SH3GL2: variants seen among roughly 807,000 people sequenced by gnomAD.
SH3GL2 encodes SH3 domain containing GRB2 like 2, endophilin A1, also known as endophilin-A1.
In SH3GL2, 24 loss-of-function variants were observed where a neutral mutation model predicts 46.0. The observed-to-expected ratio is 0.52, with a 90% CI of 0.38 to 0.73. The LOEUF (loss-of-function observed/expected upper bound fraction) is 0.73. Ranked by LOEUF, SH3GL2 falls within the 30% of genes least tolerant of loss-of-function variation. The probability of loss-of-function intolerance (pLI) is 0.00; values close to 1 mark genes in which losing one functional copy is unlikely to be tolerated. For synonymous variants in SH3GL2, 196 were observed against 147.1 expected (o/e 1.33, Z -2.40); for missense variants, 413 against 424.2 (o/e 0.97, Z 0.23).
intron 1 of SH3GL2, among the ~76,000 whole-genome samples, chr9:17,675,561 T>G (rs1286504186): frequency 1.3e-5 from 2 of 152,350 alleles, no homozygotes; most frequent in South Asian, 4.1e-4. Context: ...GTCTTTGCTC[T>G]GCAAGGGAGG....
intron 1 of SH3GL2, among the ~76,000 whole-genome samples, chr9:17,706,866 A>G (rs1821485870): frequency 6.6e-6 from 1 of 152,034 alleles, no homozygotes; most frequent in Non-Finnish European, 1.5e-5. Context: ...AGAGGCTAGA[A>G]AAAGTTGCTG....
At chr9:17,710,512 C>G (rs1334846691) in intron 1 of SH3GL2, among the ~76,000 whole-genome samples, 1 of 151,832 alleles carries the variant, frequency 6.6e-6, no homozygotes, top group Non-Finnish European at 1.5e-5. Flanking sequence ...CAAATTAAAA[C>G]AATGAATTAC....
intron 3 of SH3GL2, among the ~76,000 whole-genome samples, chr9:17,764,236 G>A (rs921561021): frequency 1.3e-5 from 2 of 152,126 alleles, no homozygotes; most frequent in African/African-American, 4.8e-5. Context: ...AGAACAAAAC[G>A]AAAATTTTGT....
intron 1 of SH3GL2, among the ~76,000 whole-genome samples, chr9:17,712,216 C>T (rs971922343): frequency 2.6e-5 from 4 of 151,684 alleles, no homozygotes; most frequent in Non-Finnish European, 2.9e-5. Flanking sequence ...GATACAAATT[C>T]TTTATCATAG....
intron 1 of SH3GL2, among the ~76,000 whole-genome samples, chr9:17,642,270 G>C (rs771040256): frequency 1.3e-5 from 2 of 152,156 alleles, no homozygotes; most frequent in African/African-American, 2.4e-5. Context: ...CCCTTTGTCA[G>C]ATGGATAGAT....
chr9:17,791,256 C>T lies in SH3GL2; in HGVS notation c.650C>T (p.Ala217Val), dbSNP rs1159845276. The change falls in exon 7 of 9, where the codon GCA becomes GTA. Residue 217 changes from alanine (A) to valine (V), a missense_variant. Physicochemically the swap from Ala to Val is moderately conservative, Grantham distance 64. Coordinates refer to ENST00000380607, the MANE Select transcript of SH3GL2 (RefSeq NM_003026.5). ...ATTGAACAAGTGAGCCAGCTCTCTGCACTTGTGCAAGCTCAGCTGGAGTAC... is the reference window on the plus strand; with the variant it reads ...ATTGAACAAGTGAGCCAGCTCTCTGTACTTGTGCAAGCTCAGCTGGAGTAC... ...MDIEQVSQLS[A>V]LVQAQLEYHK... 6 of 1,613,480 alleles carry T rather than the reference C, an allele frequency of 3.7e-6. No individual in the cohort carries two copies. The highest frequency in any genetic ancestry group is 3.3e-5 in the Admixed American group (2 of 60,006).
intron 1 of SH3GL2, among the ~76,000 whole-genome samples, chr9:17,738,641 T>TATATATATATATATAGAG (rs376280314): frequency 1.5e-4 from 13 of 88,880 alleles, no homozygotes; most frequent in East Asian, 8.1e-4. Flanking sequence ...TATATATATA[T>TATATATATATATATAGAG]AGAGAGAGAG....
chr9:17,670,127 A>G (rs145790371), intron 1 of SH3GL2, among the ~76,000 whole-genome samples: 39 of 152,148 alleles, frequency 2.6e-4, no homozygotes, highest in African/African-American at 8.4e-4. Context: ...GAGCTACTCC[A>G]TGTTGCTTAT....
At chr9:17,784,815 C>T (rs1206834140) in intron 3 of SH3GL2, among the ~76,000 whole-genome samples, 1 of 152,168 alleles carries the variant, frequency 6.6e-6, no homozygotes, top group Non-Finnish European at 1.5e-5. Flanking sequence ...TGGCCTTGAG[C>T]AATCTTTCCA....
chr9:17,788,852 C>G (rs1011205979), intron 5 of SH3GL2, among the ~76,000 whole-genome samples: 5 of 152,142 alleles, frequency 3.3e-5, no homozygotes, highest in Admixed American at 6.5e-5. Context: ...TAGGCCCCCA[C>G]CCTAGATATC....
chr9:17,789,438 A>G lies in SH3GL2; in HGVS notation c.512A>G (p.Lys171Arg). The G allele has an allele frequency of 6.2e-7, 1 of 1,613,582 alleles. No individual in the cohort carries two copies. Among genetic ancestry groups the G allele is most frequent in the African/African-American group, 1.3e-5 (1 of 74,998 alleles). ...GGTCGACGCCTGGATTTTGATTATA[A>G]GAAGAAACGACAAGGCAAGATTCCG... The part of the protein sequence containing the change: ...LEGRRLDFDY[K>R]KKRQGKIPDE... Residue 171 changes from lysine (K) to arginine (R), a missense_variant, in exon 6 of 9, where the codon AAG (lysine) becomes AGG (arginine). Coordinates refer to ENST00000380607, the MANE Select transcript of SH3GL2 (RefSeq NM_003026.5).
intron 1 of SH3GL2, among the ~76,000 whole-genome samples, chr9:17,615,100 C>T (rs1230459058): frequency 6.6e-6 from 1 of 152,128 alleles, no homozygotes; most frequent in Non-Finnish European, 1.5e-5. Context: ...GCTGCCTACT[C>T]CCAGGTGTTA....
chr9:17,654,856 C>G (rs192974112), intron 1 of SH3GL2, among the ~76,000 whole-genome samples: 58 of 152,190 alleles, frequency 3.8e-4, no homozygotes, highest in African/African-American at 1.3e-3. Flanking sequence ...TAAAAATAAC[C>G]AACATCTGGT....
At position 17,591,832 on chromosome 9, in the gene SH3GL2, A is replaced by T. The variant is rs4961575; in HGVS notation, c.45+12545A>T. 5.6e-3 allele frequency among the ~76,000 whole-genome samples: 856 copies of T among 152,094 alleles called. 6 individuals carry two copies. The highest frequency in any genetic ancestry group is 0.02 in the African/African-American group (828 of 41,462). On this transcript the variant is annotated intron_variant, in intron 1 of 8. Coordinates refer to ENST00000380607, the MANE Select transcript of SH3GL2 (RefSeq NM_003026.5). ...GTGAATGATTCAGGTGAACGTAGGC[A>T]TTTTCTGTAGGCGCTTTCCACATGA...
intron 1 of SH3GL2, among the ~76,000 whole-genome samples, chr9:17,691,964 T>C (rs1821089904): frequency 6.6e-6 from 1 of 152,128 alleles, no homozygotes; most frequent in African/African-American, 2.4e-5. Context: ...AATTTGACAA[T>C]ATCTATAAAA....
At chr9:17,714,649 T>G (rs1821707921) in intron 1 of SH3GL2, among the ~76,000 whole-genome samples, 1 of 151,800 alleles carries the variant, frequency 6.6e-6, no homozygotes, top group Non-Finnish European at 1.5e-5. Flanking sequence ...GTATACTTCA[T>G]TTCTGTCTCT....
chr9:17,691,232 C>CT (rs1289127589), intron 1 of SH3GL2, among the ~76,000 whole-genome samples: 4 of 152,198 alleles, frequency 2.6e-5, no homozygotes, highest in Admixed American at 1.3e-4. Flanking sequence ...TGCTTTATAG[C>CT]TTTTTCCAGT....
At chr9:17,711,461 A>C (rs968740913) in intron 1 of SH3GL2, among the ~76,000 whole-genome samples, 4 of 151,850 alleles carry the variant, frequency 2.6e-5, no homozygotes, top group African/African-American at 7.2e-5. Flanking sequence ...TGCTTTCTCA[A>C]ATCCCTTGGT....
chr9:17,782,017 C>T (rs1823823001), intron 3 of SH3GL2, among the ~76,000 whole-genome samples: 1 of 152,144 alleles, frequency 6.6e-6, no homozygotes, highest in Non-Finnish European at 1.5e-5. Context: ...CTTTCAGAGT[C>T]CCCCTAGACA....
Sources: gnomAD v4.1 joint callset for allele counts (sites outside exome capture counted in the v4.1 genomes callset) on GRCh38, gnomAD v4.1.1 for gene constraint, MANE v1.5 for transcripts, NCBI Gene and HGNC (gene_info 2026-07-23, HGNC 2026-07-21) for gene names.